SDK1: variants seen among roughly 807,000 people sequenced by gnomAD.
SDK1 encodes the protein sidekick cell adhesion molecule 1, also known as protein sidekick-1.
A neutral mutation model predicts 245.5 loss-of-function variants in SDK1; 157 were observed. The observed-to-expected ratio is 0.64, with a 90% CI of 0.56 to 0.73. The LOEUF (loss-of-function observed/expected upper bound fraction) is 0.73, where lower values mean the gene tolerates loss of function less well. Among genes scored for constraint, SDK1 ranks in the 30% least tolerant of loss-of-function variants. The pLI is 0.00. For synonymous variants in SDK1, 1,647 were observed against 1,278.5 expected, an observed-to-expected ratio of 1.29 and a Z score of -6.15; for missense variants, 3,583 against 3,002.3, an observed-to-expected ratio of 1.19 and a Z score of -4.52.
intron 5 of SDK1, among the ~76,000 whole-genome samples, chr7:3,884,503 G>T (rs1015181206): frequency 6.6e-6 from 1 of 152,204 alleles, no homozygotes. Flanking sequence ...AGAGCAGTTA[G>T]CGCCGTTTCT....
chr7:3,450,199 A>T (rs957603671), intron 1 of SDK1, among the ~76,000 whole-genome samples: 1 of 152,196 alleles, frequency 6.6e-6, no homozygotes, highest in East Asian at 1.9e-4. Flanking sequence ...ATATTTATCG[A>T]TATGTGAGAG....
intron 5 of SDK1, among the ~76,000 whole-genome samples, chr7:3,917,826 C>T (rs779117700): frequency 1.8e-4 from 28 of 152,148 alleles, no homozygotes; most frequent in East Asian, 3.9e-4. Flanking sequence ...ATGTAGATAG[C>T]GTGGCAAGTG....
At chr7:3,666,199 C>T (rs921934570) in intron 4 of SDK1, among the ~76,000 whole-genome samples, 4 of 152,166 alleles carry the variant, frequency 2.6e-5, no homozygotes, top group Admixed American at 2.6e-4. Flanking sequence ...GTTTCCGGGC[C>T]TCAAGATGAA....
intron 1 of SDK1, among the ~76,000 whole-genome samples, chr7:3,597,085 A>G (rs1781091259): frequency 2.0e-5 from 3 of 152,090 alleles, no homozygotes; most frequent in Non-Finnish European, 4.4e-5. Flanking sequence ...CCTGGCTAAC[A>G]CGGTGAAACC....
chr7:3,721,635 G>A (rs1562395612), intron 4 of SDK1, among the ~76,000 whole-genome samples: 1 of 152,158 alleles, frequency 6.6e-6, no homozygotes, highest in Non-Finnish European at 1.5e-5. Flanking sequence ...CTATGTGGGT[G>A]TCTGGTGTTT....
chr7:3,634,768 A>G (rs375456492), intron 2 of SDK1, among the ~76,000 whole-genome samples: 1 of 152,236 alleles, frequency 6.6e-6, no homozygotes, highest in South Asian at 2.1e-4. Flanking sequence ...TTGGTGAGAC[A>G]TTAGACTAAA....
intron 4 of SDK1, among the ~76,000 whole-genome samples, chr7:3,686,708 G>A (rs1323522589): frequency 5.3e-5 from 8 of 152,216 alleles, no homozygotes; most frequent in African/African-American, 1.7e-4. Context: ...CAGCTCTGAA[G>A]GAGAAGGCCA....
intron 4 of SDK1, among the ~76,000 whole-genome samples, chr7:3,645,244 C>T (rs917032386): frequency 6.6e-6 from 1 of 152,152 alleles, no homozygotes; most frequent in African/African-American, 2.4e-5. Flanking sequence ...GGTGTAATAT[C>T]AAACAAATGG....
intron 1 of SDK1, among the ~76,000 whole-genome samples, chr7:3,536,030 C>A (rs189939170): frequency 1.5e-3 from 222 of 151,586 alleles, no homozygotes; most frequent in Non-Finnish European, 2.6e-3. Context: ...CTAATTCCCC[C>A]CCTGCATGTT....
intron 1 of SDK1, among the ~76,000 whole-genome samples, chr7:3,521,807 C>A (rs1374384723): frequency 2.0e-5 from 3 of 152,088 alleles, no homozygotes; most frequent in African/African-American, 4.8e-5. Context: ...ATAAAATATA[C>A]AGTTGTACAA....
chr7:3,903,636 A>C (rs943408261), intron 5 of SDK1, among the ~76,000 whole-genome samples: 2 of 152,156 alleles, frequency 1.3e-5, no homozygotes, highest in Admixed American at 1.3e-4. Context: ...TATGCAAGAG[A>C]ACTGAAAGCA....
In SDK1 at chr7:4,268,682, G is replaced by C; in HGVS notation, c.*3298G>C. 7.3e-7 allele frequency: 1 copy of C among 1,367,888 alleles called. No homozygotes were observed. The highest frequency in any genetic ancestry group is 9.8e-7 in the Non-Finnish European group (1 of 1,022,010). The allele number at this position is 1,367,888 out of a possible 1,614,324, so 84.7% of individuals were successfully genotyped here. On this transcript the variant is annotated 3_prime_UTR_variant, in exon 45 of 45. Coordinates refer to ENST00000404826, the MANE Select transcript of SDK1 (RefSeq NM_152744.4). ...TTACGCATTCTTGGCACACAGTGTAGCTATCCTCCTGACGAGCAACCCGTC... is the reference window on the plus strand; with the variant it reads ...TTACGCATTCTTGGCACACAGTGTACCTATCCTCCTGACGAGCAACCCGTC...
chr7:3,854,579 G>T (rs1416091932), intron 5 of SDK1, among the ~76,000 whole-genome samples: 1 of 152,124 alleles, frequency 6.6e-6, no homozygotes, highest in East Asian at 1.9e-4. Context: ...AGAATGAAAT[G>T]CAATTTTTAT....
In SDK1 at chr7:3,617,626, C is replaced by A. The variant is rs76302334; in HGVS notation, c.299-1454C>A. Among the ~76,000 whole-genome samples the A allele has an allele frequency of 2.4e-3, 372 of 152,306 alleles. 3 individuals carry two copies. Among genetic ancestry groups the A allele is most frequent in the South Asian group, 0.017 (84 of 4,830 alleles). ...ACATGGCAGTTCATCTGGGGAGGCC[C>A]TTTGTGCTATATCATCCTGTCATGG... On this transcript the variant is annotated intron_variant, in intron 1 of 44. Transcript: ENST00000404826.
intron 8 of SDK1, among the ~76,000 whole-genome samples, chr7:3,962,440 C>T (rs546015862): frequency 1.3e-4 from 20 of 152,304 alleles, no homozygotes; most frequent in African/African-American, 4.1e-4. Context: ...GCAGCCAGGG[C>T]GGCCACAGTT....
chr7:4,003,696 C>T (rs1011244823), intron 14 of SDK1, among the ~76,000 whole-genome samples: 7 of 152,228 alleles, frequency 4.6e-5, no homozygotes, highest in African/African-American at 1.7e-4. Flanking sequence ...GCTAGACCTT[C>T]CAGACACGGG....
At chr7:3,973,791 G>T (rs1782673526) in intron 12 of SDK1, among the ~76,000 whole-genome samples, 1 of 152,098 alleles carries the variant, frequency 6.6e-6, no homozygotes, top group African/African-American at 2.4e-5. Flanking sequence ...TCATTGCCCT[G>T]TTTGTAACCT....
At chr7:3,345,054 G>C (rs760165228) in intron 1 of SDK1, among the ~76,000 whole-genome samples, 1 of 152,298 alleles carries the variant, frequency 6.6e-6, no homozygotes, top group Admixed American at 6.5e-5. Context: ...ATTGCAAGAA[G>C]TTAAGCGTTT....
chr7:3,975,265 G>T (rs1331778124), intron 13 of SDK1, among the ~76,000 whole-genome samples: 2 of 152,132 alleles, frequency 1.3e-5, no homozygotes, highest in African/African-American at 2.4e-5. Flanking sequence ...TTCCGTGAGT[G>T]CATGAGTACA....
Sources: gnomAD v4.1 joint callset for allele counts (sites outside exome capture counted in the v4.1 genomes callset) on GRCh38, gnomAD v4.1.1 for gene constraint, MANE v1.5 for transcripts, NCBI Gene and HGNC (gene_info 2026-07-23, HGNC 2026-07-21) for gene names.